The following ZNF772 variants were observed in gnomAD, a reference collection of about 807,000 sequenced individuals.
The protein encoded by ZNF772 is zinc finger protein 772.
Under a neutral mutation model 11.0 loss-of-function variants are expected in ZNF772, and 8 were observed. That is an observed-to-expected ratio of 0.73 (90% CI 0.43 to 1.31). The LOEUF (loss-of-function observed/expected upper bound fraction) is 1.31. ZNF772 is among the 50% of genes most tolerant of loss of function. ZNF772 has a pLI of 0.01. For missense variants in ZNF772, 496 were observed against 552.3 expected, an observed-to-expected ratio of 0.90 and a Z score of 1.02; for synonymous variants, 155 against 180.4, an observed-to-expected ratio of 0.86 and a Z score of 1.13.
chr19:57,470,008 A>G lies in ZNF772; in HGVS notation c.*3266T>C, dbSNP rs895016115. ...CCCAAATATTTAGGAATTAAATAAC[A>G]TACATTTAAAAAGAGCCATGTGTCA... On this transcript the variant is annotated 3_prime_UTR_variant, in exon 4 of 4. Transcript: ENST00000356584. 2.6e-5 allele frequency: 4 copies of G among 152,340 alleles called. No homozygotes were observed. Among genetic ancestry groups the G allele is most frequent in the African/African-American group, 9.6e-5 (4 of 41,580 alleles). The allele number at this position is 152,340 out of a possible 1,614,324, so 9.4% of individuals were successfully genotyped here.
chr19:57,472,973 A>AG lies in ZNF772; in HGVS notation c.*300dup. The AG allele has an allele frequency of 4.9e-6, 2 of 409,672 alleles. No individual in the cohort carries two copies. The highest frequency in any genetic ancestry group is 8.3e-5 in the South Asian group (2 of 24,110). The allele number at this position is 409,672 out of a possible 1,614,324, so 25.4% of individuals were successfully genotyped here. A position where few individuals can be genotyped will look rare whatever the true frequency, so the allele number is the denominator to read the frequency against. On this transcript the variant is annotated 3_prime_UTR_variant, in exon 4 of 4. Transcript: ENST00000356584. Reference sequence around the variant, plus strand: ...TTCCCTCCAGGGAAGGGAATAGTACAGAGGTCTGTCTTTTGAAACACATTG... The same window carrying AG: ...TTCCCTCCAGGGAAGGGAATAGTACAGGAGGTCTGTCTTTTGAAACACATTG...
rs1170429851 is a variant in ZNF772, at chr19:57,470,869, C to T, written c.*2405G>A. 6.6e-6 allele frequency: 1 copy of T among 152,094 alleles called. No homozygotes were observed. The highest frequency in any genetic ancestry group is 6.5e-5 in the Admixed American group (1 of 15,274). 9.4% of individuals were successfully genotyped at this position (152,094 alleles called of 1,614,324 possible). On this transcript the variant is annotated 3_prime_UTR_variant, in exon 4 of 4. Transcript: ENST00000356584. Reference sequence around the variant, plus strand: ...ATGGAGTGACAAACAGATGGACGGACAGACAGATGTATATATAACTAGTAT... The same window carrying T: ...ATGGAGTGACAAACAGATGGACGGATAGACAGATGTATATATAACTAGTAT...
chr19:57,473,825 G>A lies in ZNF772; in HGVS notation c.796C>T (p.Pro266Ser). Residue 266 changes from proline (P) to serine (S), a missense_variant, in exon 4 of 4, where the codon CCC becomes TCC. Physicochemically the swap from Pro to Ser is moderately conservative, Grantham distance 74. Coordinates refer to ENST00000356584, the MANE Select transcript of ZNF772 (RefSeq NM_001144068.2). ...GECGKTFSRKPILAQHQRIHT... is the reference protein window; with the variant it reads ...GECGKTFSRKSILAQHQRIHT... ...ATTCTCTGGTGCTGAGCAAGTATGG[G>A]TTTGCGGCTAAAGGTTTTCCCACAT... is the stretch of plus-strand genomic sequence containing the variant. The A allele has an allele frequency of 6.2e-7, 1 of 1,612,704 alleles. No individual in the cohort carries two copies. The highest frequency in any genetic ancestry group is 8.5e-7 in the Non-Finnish European group (1 of 1,179,552).
rs1285163553 is a variant in ZNF772, at chr19:57,469,730, C to CA, written c.*3543dup. 1 of 152,094 alleles carries CA rather than the reference C, an allele frequency of 6.6e-6. No individual in the cohort carries two copies. Among genetic ancestry groups the CA allele is most frequent in the Non-Finnish European group, 1.5e-5 (1 of 67,996 alleles). The allele number at this position is 152,094 out of a possible 1,614,324, so 9.4% of individuals were successfully genotyped here. ...ATCCTCTTAAAATAATTGCTGGAAC[C>CA]AAAACCACAGAATGTCAATAAAGAT... On this transcript the variant is annotated 3_prime_UTR_variant, in exon 4 of 4. Coordinates refer to ENST00000356584, the MANE Select transcript of ZNF772 (RefSeq NM_001144068.2).
rs1311836418 is a variant in ZNF772, at chr19:57,471,298, T to G, written c.*1976A>C. On this transcript the variant is annotated 3_prime_UTR_variant, in exon 4 of 4. Coordinates refer to ENST00000356584, the MANE Select transcript of ZNF772 (RefSeq NM_001144068.2). ...AAAGAAAGTTAGGGACAAATATCAC[T>G]CGTGAACATTGGTGCAAAACTTGTT... is the stretch of plus-strand genomic sequence containing the variant. 6.6e-6 allele frequency: 1 copy of G among 151,456 alleles called. No individual in the cohort carries two copies. The allele number at this position is 151,456 out of a possible 1,614,324, so 9.4% of individuals were successfully genotyped here. A position where few individuals can be genotyped will look rare whatever the true frequency, so the allele number is the denominator to read the frequency against.
Position 57,473,849 on chromosome 19 carries a change from A to T in ZNF772, c.772T>A (p.Cys258Ser), listed in dbSNP as rs1426910979. ...TGERPYECGE[C>S]GKTFSRKPIL... ...GGTTTGCGGCTAAAGGTTTTCCCACATTCACCGCACTCATAAGGCCTTTCT... is the reference window on the plus strand; with the variant it reads ...GGTTTGCGGCTAAAGGTTTTCCCACTTTCACCGCACTCATAAGGCCTTTCT... Residue 258 changes from cysteine to serine, a missense_variant, in exon 4 of 4, where the codon TGT becomes AGT. Coordinates refer to ENST00000356584, the MANE Select transcript of ZNF772 (RefSeq NM_001144068.2). The T allele has an allele frequency of 6.2e-7, 1 of 1,614,138 alleles. No individual in the cohort carries two copies. Among genetic ancestry groups the T allele is most frequent in the East Asian group, 2.2e-5 (1 of 44,876 alleles).
chr19:57,473,608 T>A lies in ZNF772; in HGVS notation c.1013A>T (p.Glu338Val). 1 of 1,614,112 alleles carries A rather than the reference T, an allele frequency of 6.2e-7. No homozygotes were observed. The highest frequency in any genetic ancestry group is 8.5e-7 in the Non-Finnish European group (1 of 1,179,990). ...AAAGTATTTTCCACATTCGCTGCAC[T>A]CATATGGCCTTTCTCCAGTATGGAT... Reference protein sequence around the residue: ...ESIHTGERPYECSECGKYFGH... With the variant: ...ESIHTGERPYVCSECGKYFGH... The change falls in exon 4 of 4, where the codon GAG (glutamate) becomes GTG (valine). Residue 338 changes from glutamate to valine, a missense_variant. By Grantham distance (121) the Glu-to-Val change is moderately radical (BLOSUM62 -2). Coordinates refer to ENST00000356584, the MANE Select transcript of ZNF772 (RefSeq NM_001144068.2).
rs199582111 is a variant in ZNF772 at position 57,474,079 on chromosome 19, A to C, written c.542T>G (p.Phe181Cys). ...NCAVQSMEMSFVTGEACKDFL... is the reference protein window; with the variant it reads ...NCAVQSMEMSCVTGEACKDFL... The stretch of plus-strand genomic sequence containing the variant: ...GTCCTTACAAGCCTCCCCTGTCACA[A>C]AAGACATCTCCATTGATTGCACAGC... Residue 181 changes from phenylalanine (F) to cysteine (C), a missense_variant, in exon 4 of 4, where the codon TTT (phenylalanine) becomes TGT (cysteine). Coordinates refer to ENST00000356584, the MANE Select transcript of ZNF772 (RefSeq NM_001144068.2). 1.8e-4 allele frequency: 296 copies of C among 1,614,038 alleles called. No homozygotes were observed. The highest frequency in any genetic ancestry group is 1.8e-5 in the Non-Finnish European group (21 of 1,180,008).
rs1020024400 is a variant in ZNF772 at position 57,474,366 on chromosome 19, T to C, written c.255A>G (p.Ile85Met). The C allele has an allele frequency of 1.2e-6, 2 of 1,612,616 alleles. No individual in the cohort carries two copies. The highest frequency in any genetic ancestry group is 8.5e-7 in the Non-Finnish European group (1 of 1,180,014). Residue 85 changes from isoleucine (I) to methionine (M), a missense_variant, in exon 4 of 4, where the codon ATA becomes ATG. Transcript: ENST00000356584. Reference sequence around the variant, plus strand: ...TGGGAATCCTGATCTGTGACATTCCTATAGAAAAGCTCTGCTCAAAAGGTA... The same window carrying C: ...TGGGAATCCTGATCTGTGACATTCCCATAGAAAAGCTCTGCTCAAAAGGTA... ...EEIPFEQSFS[I>M]GMSQIRIPKG...
chr19:57,476,133 A>C (rs1004797012), intron 2 of ZNF772, among the ~76,000 whole-genome samples: 1 of 152,178 alleles, frequency 6.6e-6, no homozygotes, highest in African/African-American at 2.4e-5. Context: ...AGACGTCATC[A>C]GTCTACACTT....
At position 57,476,678 on chromosome 19, in the gene ZNF772, G is replaced by C; in HGVS notation, c.34-6C>G. ...ACTTCTGAGTTCATGGGAACCTGTG[G>C]GGAAGAGGGAGACTATGCGAGTCAA... is the stretch of plus-strand genomic sequence containing the variant. On this transcript the variant is annotated splice_polypyrimidine_tract_variant and splice_region_variant and intron_variant, in intron 1 of 3. Transcript: ENST00000356584. The C allele has an allele frequency of 6.3e-7, 1 of 1,592,010 alleles. No homozygotes were observed. The highest frequency in any genetic ancestry group is 8.6e-7 in the Non-Finnish European group (1 of 1,167,432).
intron 2 of ZNF772, 57 bp downstream of exon 2, chr19:57,476,577 T>C (rs765896222): frequency 3.2e-5 from 51 of 1,580,396 alleles, no homozygotes; most frequent in Non-Finnish European, 4.3e-5. Context: ...ACCACAATGC[T>C]GGAGAGCGTA....
rs1347084398 is a variant in ZNF772, at chr19:57,473,388, A to C, written c.1233T>G (p.His411Gln). 5 of 1,613,890 alleles carry C rather than the reference A, an allele frequency of 3.1e-6. No individual in the cohort carries two copies. The highest frequency in any genetic ancestry group is 4.2e-6 in the Non-Finnish European group (5 of 1,179,918). Residue 411 changes from histidine (H) to glutamine (Q), a missense_variant, in exon 4 of 4, where the codon CAT (histidine) becomes CAG (glutamine). His to Gln is a conservative substitution (Grantham distance 24). Coordinates refer to ENST00000356584, the MANE Select transcript of ZNF772 (RefSeq NM_001144068.2). The stretch of plus-strand genomic sequence containing the variant: ...GCCTTTCTCCAGTGTGAATTCTATG[A>C]TGCTGAACAAGTACATGTTTGTGGC... ...AFSHKHVLVQ[H>Q]HRIHTGERPY...
chr19:57,475,603 A>T lies in ZNF772; in HGVS notation c.199+57T>A, dbSNP rs1308280598. ...GTAGGAAGGACAAAGATGCCCTGAA[A>T]AAAAGGGGAAGGGCAGGACCCAGTC... On this transcript the variant is annotated intron_variant, in intron 3 of 3. Coordinates refer to ENST00000356584, the MANE Select transcript of ZNF772 (RefSeq NM_001144068.2). The surrounding 1 kb of genome is among the most constrained non-coding windows in gnomAD (Gnocchi z 4.2). 1.2e-6 allele frequency: 2 copies of T among 1,611,708 alleles called. No individual in the cohort carries two copies. Among genetic ancestry groups the T allele is most frequent in the African/African-American group, 1.3e-5 (1 of 74,844 alleles).
Position 57,474,180 on chromosome 19 carries a change from G to T in ZNF772, c.441C>A (p.His147Gln). ...GKQFCFSANLHQHQKQHSGEK... is the reference protein window; with the variant it reads ...GKQFCFSANLQQHQKQHSGEK... ...CTCCACTGTGCTGCTTCTGGTGCTG[G>T]TGAAGGTTTGCACTGAAGCAGAACT... Residue 147 changes from histidine (H) to glutamine (Q), a missense_variant, in exon 4 of 4, where the codon CAC becomes CAA. Transcript: ENST00000356584. 6.2e-7 allele frequency: 1 copy of T among 1,614,152 alleles called. No homozygotes were observed.
Position 57,473,667 on chromosome 19 carries a change from A to G in ZNF772, c.954T>C (p.Tyr318=). The G allele has an allele frequency of 6.2e-7, 1 of 1,612,744 alleles. No homozygotes were observed. The highest frequency in any genetic ancestry group is 8.5e-7 in the Non-Finnish European group (1 of 1,179,576). Residue 318 remains tyrosine, a synonymous_variant, in exon 4 of 4, where the codon TAT becomes TAC. Coordinates refer to ENST00000356584, the MANE Select transcript of ZNF772 (RefSeq NM_001144068.2). The stretch of plus-strand genomic sequence containing the variant: ...GCTGAACAAGTGTAGATTTGTGACT[A>G]TAGGCTTTCCCACATTCACTGCACT... ...PYKCSECGKA[Y]SHKSTLVQHE... is the part of the protein sequence containing the mutation.
chr19:57,474,932 G>C (rs2089264869), intron 3 of ZNF772: 3 of 1,563,616 alleles, frequency 1.9e-6, no homozygotes, highest in Non-Finnish European at 2.6e-6. Flanking sequence ...AAGGCCAGTG[G>C]CCTTAGCACT....
In ZNF772 at chr19:57,475,872, A is replaced by C. The variant is rs2089278272; in HGVS notation, c.73-86T>G. The C allele has an allele frequency of 2.7e-6, 4 of 1,504,174 alleles. No homozygotes were observed. The highest frequency in any genetic ancestry group is 3.6e-6 in the Non-Finnish European group (4 of 1,122,060). 93.2% of individuals were successfully genotyped at this position (1,504,174 alleles called of 1,614,324 possible). ...GCCCCCACACATCTCCCTCCTGTAC[A>C]CCCTCCTACCTAACTCCTCAACTCA... On this transcript the variant is annotated intron_variant, in intron 2 of 3. Transcript: ENST00000356584. The surrounding 1 kb of genome is among the most constrained non-coding windows in gnomAD (Gnocchi z 4.2).
rs4801489 is a variant in ZNF772, at chr19:57,469,725, G to A, written c.*3549C>T. ...CAACAATCCTCTTAAAATAATTGCT[G>A]GAACCAAAACCACAGAATGTCAATA... On this transcript the variant is annotated 3_prime_UTR_variant, in exon 4 of 4. Transcript: ENST00000356584. The A allele has an allele frequency of 0.64, 96,988 of 152,030 alleles. 30,890 individuals carry two copies. Among genetic ancestry groups the A allele is most frequent in the South Asian group, 0.73 (3,511 of 4,830 alleles). 9.4% of individuals were successfully genotyped at this position (152,030 alleles called of 1,614,324 possible). A position where few individuals can be genotyped will look rare whatever the true frequency, so the allele number is the denominator to read the frequency against.
Sources: allele counts gnomAD v4.1 joint callset (sites outside exome capture counted in the v4.1 genomes callset), GRCh38; gene constraint gnomAD v4.1.1; non-coding constraint Gnocchi (gnomAD v3.1); transcripts MANE v1.5; gene names NCBI Gene and HGNC (gene_info 2026-07-23, HGNC 2026-07-21).